The following NRP1 variants were observed in gnomAD, a reference collection of about 807,000 sequenced individuals.
NRP1 encodes the protein neuropilin 1.
A neutral mutation model predicts 106.7 loss-of-function variants in NRP1; 35 were observed. The observed-to-expected ratio is 0.33, with a 90% CI of 0.25 to 0.43. The LOEUF (loss-of-function observed/expected upper bound fraction) is 0.43, where lower values mean the gene tolerates loss of function less well. NRP1 is among the 20% of genes least tolerant of loss of function. NRP1 has a pLI of 1.00. For synonymous variants in NRP1, 437 were observed against 417.9 expected, an observed-to-expected ratio of 1.05 and a Z score of -0.56; for missense variants, 1,024 against 1,170.4, an observed-to-expected ratio of 0.87 and a Z score of 1.83.
intron 6 of NRP1, among the ~76,000 whole-genome samples, chr10:33,238,140 A>G (rs1432777919): frequency 1.3e-5 from 2 of 152,216 alleles, no homozygotes; most frequent in Non-Finnish European, 2.9e-5. Context: ...TGGGAGTCCA[A>G]GCATTCCTGG....
chr10:33,203,196 T>C (rs1254945472), intron 10 of NRP1, among the ~76,000 whole-genome samples: 3 of 152,246 alleles, frequency 2.0e-5, no homozygotes, highest in Non-Finnish European at 2.9e-5. Context: ...TGTTTTGGTA[T>C]TTGATTCGTA....
intron 2 of NRP1, among the ~76,000 whole-genome samples, chr10:33,274,448 G>T (rs1476114205): frequency 6.6e-6 from 1 of 152,192 alleles, no homozygotes. Flanking sequence ...GGGAAAGTTT[G>T]AATTATGGGT....
chr10:33,211,061 C>T (rs551404937), intron 9 of NRP1, among the ~76,000 whole-genome samples: 23 of 152,234 alleles, frequency 1.5e-4, no homozygotes, highest in African/African-American at 5.1e-4. Flanking sequence ...TAGAAATAAA[C>T]CCTAACACGT....
intron 5 of NRP1, 44 bp from the exon 6 acceptor site, chr10:33,254,238 T>C (rs769230824): frequency 6.6e-6 from 10 of 1,519,672 alleles, no homozygotes; most frequent in Non-Finnish European, 8.8e-6. Context: ...ATATAGGGGA[T>C]TTAAGATGCA....
intron 9 of NRP1, chr10:33,213,027 G>A (rs150236123): frequency 1.8e-6 from 1 of 553,582 alleles, no homozygotes; most frequent in African/African-American, 1.9e-5. Flanking sequence ...GGTTTGAGAT[G>A]GGGGGAGGGC....
At chr10:33,182,494 TCCC>T (rs554896575) in intron 16 of NRP1, among the ~76,000 whole-genome samples, 3 of 152,144 alleles carry the variant, frequency 2.0e-5, no homozygotes, top group South Asian at 4.2e-4. Context: ...TCACCGAGGC[TCCC>T]CAAGTCTTAT....
intron 2 of NRP1, among the ~76,000 whole-genome samples, chr10:33,324,558 C>T (rs1256432986): frequency 2.0e-5 from 3 of 152,156 alleles, no homozygotes; most frequent in Non-Finnish European, 4.4e-5. Context: ...TAGGATTCTG[C>T]TTTTTGATTA....
chr10:33,270,946 T>C, intron 2 of NRP1, 90 bp from the exon 3 acceptor site: 2 of 1,173,942 alleles, frequency 1.7e-6, no homozygotes, highest in Non-Finnish European at 2.3e-6. Flanking sequence ...TCCAGCATAG[T>C]GTGCCAGGAA....
chr10:33,287,346 A>G (rs1844642049), intron 2 of NRP1, among the ~76,000 whole-genome samples: 1 of 152,252 alleles, frequency 6.6e-6, no homozygotes, highest in Admixed American at 6.5e-5. Context: ...AATTTTCCAT[A>G]CAAATGGTAG....
chr10:33,312,117 G>A (rs1001066625), intron 2 of NRP1, among the ~76,000 whole-genome samples: 14 of 152,170 alleles, frequency 9.2e-5, no homozygotes, highest in Admixed American at 9.2e-4. Context: ...ACTCATTTTA[G>A]GTCCTGTTTA....
At position 33,311,325 on chromosome 10, in the gene NRP1, G is replaced by T. The variant is rs1016518562; in HGVS notation, c.248+19383C>A. On this transcript the variant is annotated intron_variant, in intron 2 of 16. Coordinates refer to ENST00000374867, the MANE Select transcript of NRP1 (RefSeq NM_003873.7). ...CCTCTGCCAGATGTTTTTTATATGC[G>T]TCTTGTTTAGAGCATGATCTAGGTC... Among the ~76,000 whole-genome samples the T allele has an allele frequency of 2.6e-5, 4 of 152,132 alleles. No homozygotes were observed. The South Asian group carries it at 8.3e-4, about 32-fold the overall frequency.
chr10:33,278,621 G>A (rs1354212277), intron 2 of NRP1, among the ~76,000 whole-genome samples: 1 of 152,046 alleles, frequency 6.6e-6, no homozygotes, highest in Non-Finnish European at 1.5e-5. Context: ...TGTTACCCTT[G>A]AGCTTGTCTA....
At chr10:33,199,365 T>TTTTA (rs57582967) in intron 11 of NRP1, among the ~76,000 whole-genome samples, 2 of 64,268 alleles carry the variant, frequency 3.1e-5, no homozygotes, top group African/African-American at 1.0e-4. Flanking sequence ...CCTGGCTGTT[T>TTTTA]TCTATATATA....
chr10:33,292,613 C>T (rs948408221), intron 2 of NRP1, among the ~76,000 whole-genome samples: 16 of 152,270 alleles, frequency 1.1e-4, no homozygotes, highest in African/African-American at 3.8e-4. Context: ...GCAATCTTAA[C>T]GTAGGGCTTG....
At chr10:33,267,089 T>C (rs1312804398) in intron 3 of NRP1, among the ~76,000 whole-genome samples, 2 of 152,160 alleles carry the variant, frequency 1.3e-5, no homozygotes, top group African/African-American at 2.4e-5. Flanking sequence ...TCTCTCTTGC[T>C]CCTGCTCCGG....
chr10:33,328,997 A>G (rs1256116649), intron 2 of NRP1, among the ~76,000 whole-genome samples: 1 of 152,228 alleles, frequency 6.6e-6, no homozygotes, highest in Non-Finnish European at 1.5e-5. Flanking sequence ...AGTTTCTCCT[A>G]TAGCAGTTTA....
rs767109785 is a variant in NRP1 at position 33,180,201 on chromosome 10, A to T, written c.2647T>A (p.Cys883Ser). The part of the protein sequence containing the change: ...AVCGVVLYCA[C>S]WHNGMSERNL... ...CTTTCTGACATCCCATTATGCCAAC[A>T]GGCACAGTACAGCACGACCCCACAG... The change falls in exon 17 of 17, where the codon TGT becomes AGT. Residue 883 changes from cysteine to serine, a missense_variant. Physicochemically the swap from Cys to Ser is moderately radical, Grantham distance 112 (BLOSUM62 -1). Transcript: ENST00000374867. 7 of 1,614,132 alleles carry T rather than the reference A, an allele frequency of 4.3e-6. No homozygotes were observed. Among genetic ancestry groups the T allele is most frequent in the Non-Finnish European group, 5.9e-6 (7 of 1,180,022 alleles).
At chr10:33,217,788 C>G (rs1308945292) in intron 8 of NRP1, among the ~76,000 whole-genome samples, 1 of 152,128 alleles carries the variant, frequency 6.6e-6, no homozygotes, top group Non-Finnish European at 1.5e-5. Flanking sequence ...AGCTTAAGAC[C>G]ACTTCAGGAT....
At chr10:33,190,423 G>A (rs1836324056) in intron 13 of NRP1, among the ~76,000 whole-genome samples, 1 of 152,220 alleles carries the variant, frequency 6.6e-6, no homozygotes, top group South Asian at 2.1e-4. Context: ...TCAATTGAAA[G>A]TGTCTCAGAT....
Sources: allele counts gnomAD v4.1 joint callset (sites outside exome capture counted in the v4.1 genomes callset), GRCh38; gene constraint gnomAD v4.1.1; transcripts MANE v1.5; gene names NCBI Gene and HGNC (gene_info 2026-07-23, HGNC 2026-07-21).